Variants in FNDC3B observed in about 807,000 individuals in gnomAD.
FNDC3B encodes fibronectin type III domain-containing protein 3B.
FNDC3B carries 12 observed loss-of-function variants against 151.5 expected under a neutral mutation model. That is an observed-to-expected ratio of 0.08 (90% CI 0.05 to 0.13). The LOEUF is 0.13. FNDC3B is among the 10% of genes least tolerant of loss of function. The probability of loss-of-function intolerance (pLI) is 1.00; values close to 1 mark genes in which losing one functional copy is unlikely to be tolerated. For synonymous variants in FNDC3B, 528 were observed against 549.0 expected (o/e 0.96, Z 0.54); for missense variants, 1,214 against 1,505.3 (o/e 0.81, Z 3.20).
intron 4 of FNDC3B, among the ~76,000 whole-genome samples, chr3:172,247,242 A>C (rs868191510): frequency 6.6e-6 from 1 of 152,228 alleles, no homozygotes; most frequent in African/African-American, 2.4e-5. Flanking sequence ...AGCCAGTGAA[A>C]ATTTTAAGAC....
intron 16 of FNDC3B, among the ~76,000 whole-genome samples, chr3:172,339,135 T>G (rs1359759507): frequency 6.6e-6 from 1 of 152,196 alleles, no homozygotes; most frequent in Non-Finnish European, 1.5e-5. Context: ...GTGGCTGGCT[T>G]TTTATTCTGT....
At chr3:172,158,911 C>T (rs1722636615) in intron 3 of FNDC3B, among the ~76,000 whole-genome samples, 2 of 152,174 alleles carry the variant, frequency 1.3e-5, no homozygotes, top group African/African-American at 4.8e-5. Context: ...CCCACCTCCT[C>T]TATCAATGTC....
At chr3:172,383,346 C>T (rs1735552362) in intron 25 of FNDC3B, among the ~76,000 whole-genome samples, 1 of 152,170 alleles carries the variant, frequency 6.6e-6, no homozygotes, top group African/African-American at 2.4e-5. Flanking sequence ...AGTTGCTTAT[C>T]AACTTAAGGA....
intron 1 of FNDC3B, among the ~76,000 whole-genome samples, chr3:172,068,752 A>G (rs1386178287): frequency 6.6e-6 from 1 of 152,188 alleles, no homozygotes; most frequent in African/African-American, 2.4e-5. Flanking sequence ...TAGCAAGAAT[A>G]AAAACATTTT....
intron 1 of FNDC3B, among the ~76,000 whole-genome samples, chr3:172,088,992 T>G (rs1718683473): frequency 6.6e-6 from 1 of 152,168 alleles, no homozygotes; most frequent in Admixed American, 6.5e-5. Context: ...AGTGATAAAT[T>G]AGCTTTCTAC....
At chr3:172,388,091 T>A (rs1420845301) in intron 25 of FNDC3B, among the ~76,000 whole-genome samples, 1 of 152,178 alleles carries the variant, frequency 6.6e-6, no homozygotes. Flanking sequence ...CATTAGATCA[T>A]TCAATCATGA....
intron 3 of FNDC3B, among the ~76,000 whole-genome samples, chr3:172,148,898 T>G (rs1376901739): frequency 1.3e-5 from 2 of 152,208 alleles, no homozygotes; most frequent in African/African-American, 4.8e-5. Context: ...CCATCTCAGA[T>G]GTAACTCAAG....
chr3:172,289,029 T>G (rs1336750711), intron 7 of FNDC3B, among the ~76,000 whole-genome samples: 2 of 152,234 alleles, frequency 1.3e-5, no homozygotes, highest in African/African-American at 4.8e-5. Flanking sequence ...TGTAATGATT[T>G]ACCACAAATT....
chr3:172,218,134 GAAAA>G (rs57576493), intron 3 of FNDC3B, among the ~76,000 whole-genome samples: 1 of 62,716 alleles, frequency 1.6e-5, no homozygotes, highest in African/African-American at 5.8e-5. Context: ...CGACTTTCAG[GAAAA>G]AAAAAAAAAA....
At chr3:172,066,795 A>G (rs974010017) in intron 1 of FNDC3B, among the ~76,000 whole-genome samples, 1 of 152,212 alleles carries the variant, frequency 6.6e-6, no homozygotes, top group African/African-American at 2.4e-5. Flanking sequence ...CTGTTTTGAG[A>G]TTCTGGTCTA....
chr3:172,368,976 A>G (rs914676571), intron 23 of FNDC3B, among the ~76,000 whole-genome samples: 2 of 152,240 alleles, frequency 1.3e-5, no homozygotes, highest in East Asian at 1.9e-4. Flanking sequence ...ACGCCACTGT[A>G]CTCCAGCCTG....
intron 3 of FNDC3B, 69 bp downstream of exon 3, chr3:172,133,615 C>G: frequency 9.6e-7 from 1 of 1,040,886 alleles, no homozygotes; most frequent in Non-Finnish European, 1.5e-6. Flanking sequence ...TAATGTTTTT[C>G]TGTGTGTGTC....
rs1559984324 is a variant in FNDC3B, at chr3:172,139,760, T to TC, written c.187+6214_187+6215insC. ...TGCCTTGAAAACCATTTCTTTTTTT[T>TC]TTTGTTTTTTGAGACAGGGTATCCT... On this transcript the variant is annotated intron_variant, in intron 3 of 25. Coordinates refer to ENST00000415807, the MANE Select transcript of FNDC3B (RefSeq NM_022763.4). 5.0e-4 allele frequency among the ~76,000 whole-genome samples: 76 copies of TC among 152,192 alleles called. 2 individuals carry two copies. Among genetic ancestry groups the TC allele is most frequent in the African/African-American group, 1.8e-3 (74 of 41,530 alleles).
At chr3:172,303,653 A>G (rs1453239850) in intron 9 of FNDC3B, among the ~76,000 whole-genome samples, 1 of 152,220 alleles carries the variant, frequency 6.6e-6, no homozygotes, top group Non-Finnish European at 1.5e-5. Context: ...TATTTAACCC[A>G]AGAAACTGAC....
At chr3:172,193,956 C>T (rs1391488601) in intron 3 of FNDC3B, among the ~76,000 whole-genome samples, 2 of 152,202 alleles carry the variant, frequency 1.3e-5, no homozygotes, top group East Asian at 1.9e-4. Flanking sequence ...CGTGGTGGCT[C>T]ACGTCTGTAA....
chr3:172,314,572 T>C (rs11918175), intron 11 of FNDC3B, among the ~76,000 whole-genome samples: 4,834 of 152,324 alleles, frequency 0.032, 270 homozygotes, highest in African/African-American at 0.11. Context: ...CAGAATACTT[T>C]AGTCTTTTGT....
intron 3 of FNDC3B, among the ~76,000 whole-genome samples, chr3:172,226,541 AAAAG>A (rs1486143768): frequency 6.6e-6 from 1 of 152,194 alleles, no homozygotes; most frequent in African/African-American, 2.4e-5. Context: ...AGGCCAAATA[AAAAG>A]AAAGAAACTT....
chr3:172,268,899 T>G (rs1385688598), intron 6 of FNDC3B, among the ~76,000 whole-genome samples: 2 of 152,242 alleles, frequency 1.3e-5, no homozygotes, highest in African/African-American at 4.8e-5. Context: ...TGGAATCAAT[T>G]TAAATGAGAA....
At chr3:172,255,330 G>A (rs1249213900) in intron 6 of FNDC3B, among the ~76,000 whole-genome samples, 8 of 152,056 alleles carry the variant, frequency 5.3e-5, no homozygotes, top group South Asian at 2.1e-4. Context: ...GTGCAATGGC[G>A]TGACCTCAGC....
Sources: gnomAD v4.1 joint callset for allele counts (sites outside exome capture counted in the v4.1 genomes callset) on GRCh38, gnomAD v4.1.1 for gene constraint, MANE v1.5 for transcripts, NCBI Gene and HGNC (gene_info 2026-07-23, HGNC 2026-07-21) for gene names.